KLHL6: variants seen among roughly 807,000 people sequenced by gnomAD.
The protein encoded by KLHL6 is kelch like family member 6, also known as kelch-like protein 6.
Under a neutral mutation model 58.6 loss-of-function variants are expected in KLHL6, and 41 were observed. That is an observed-to-expected ratio of 0.70 (90% CI 0.55 to 0.91). KLHL6 has a LOEUF of 0.91. Among genes scored for constraint, KLHL6 ranks in the 40% least tolerant of loss-of-function variants. The pLI is 0.00. For synonymous variants in KLHL6, 338 were observed against 322.7 expected, an observed-to-expected ratio of 1.05 and a Z score of -0.51; for missense variants, 714 against 805.6, an observed-to-expected ratio of 0.89 and a Z score of 1.38.
Position 183,491,638 on chromosome 3 carries a change from G to A in KLHL6, c.*289C>T, listed in dbSNP as rs1231099178. 3.2e-6 allele frequency: 1 copy of A among 316,984 alleles called. No individual in the cohort carries two copies. The highest frequency in any genetic ancestry group is 5.8e-6 in the Non-Finnish European group (1 of 173,810). 19.6% of individuals were successfully genotyped at this position (316,984 alleles called of 1,614,324 possible). ...AGCCAGTCACCAGGTTAAATGAACCGATAAAAGGAAGTGCCTGGCACAGAA... is the reference window on the plus strand; with the variant it reads ...AGCCAGTCACCAGGTTAAATGAACCAATAAAAGGAAGTGCCTGGCACAGAA... On this transcript the variant is annotated 3_prime_UTR_variant, in exon 7 of 7. Coordinates refer to ENST00000341319, the MANE Select transcript of KLHL6 (RefSeq NM_130446.4).
chr3:183,527,014 G>A (rs185723384), intron 2 of KLHL6, among the ~76,000 whole-genome samples: 13 of 151,888 alleles, frequency 8.6e-5, no homozygotes, highest in South Asian at 4.2e-4. Context: ...CAGGAGAATC[G>A]CTTAAACCCG....
chr3:183,542,800 C>T (rs1229222726), intron 1 of KLHL6, among the ~76,000 whole-genome samples: 1 of 152,088 alleles, frequency 6.6e-6, no homozygotes, highest in Non-Finnish European at 1.5e-5. Flanking sequence ...TCTTTGTAAA[C>T]TCTGTGCCTG....
chr3:183,499,883 G>A lies in KLHL6; in HGVS notation c.910-56C>T. The A allele has an allele frequency of 7.3e-7, 1 of 1,377,604 alleles. No individual in the cohort carries two copies. Among genetic ancestry groups the A allele is most frequent in the East Asian group, 2.5e-5 (1 of 40,346 alleles). The allele number at this position is 1,377,604 out of a possible 1,614,324, so 85.3% of individuals were successfully genotyped here. A position where few individuals can be genotyped will look rare whatever the true frequency, so the allele number is the denominator to read the frequency against. Reference sequence around the variant, plus strand: ...GGACAACACAAAGTTTCAGAGCTCGGGCTATGGAGCCATTAGGAGTCGGGT... The same window carrying A: ...GGACAACACAAAGTTTCAGAGCTCGAGCTATGGAGCCATTAGGAGTCGGGT... On this transcript the variant is annotated intron_variant, in intron 3 of 6. Coordinates refer to ENST00000341319, the MANE Select transcript of KLHL6 (RefSeq NM_130446.4). The surrounding 1 kb of genome is among the most constrained non-coding windows in gnomAD (Gnocchi z 4.6).
chr3:183,527,656 A>G (rs1356211063), intron 2 of KLHL6, among the ~76,000 whole-genome samples, 189 bp downstream of exon 2: 1 of 152,124 alleles, frequency 6.6e-6, no homozygotes, highest in Non-Finnish European at 1.5e-5. Context: ...CCAAAAGAGC[A>G]TCTTCTAACT....
At chr3:183,512,841 T>G (rs1217311796) in intron 2 of KLHL6, among the ~76,000 whole-genome samples, 1 of 151,706 alleles carries the variant, frequency 6.6e-6, no homozygotes, top group Non-Finnish European at 1.5e-5. Flanking sequence ...TAAAATAAAG[T>G]CATAGAGGCC....
intron 2 of KLHL6, among the ~76,000 whole-genome samples, chr3:183,527,097 T>TA (rs572178014): frequency 2.4e-3 from 323 of 135,312 alleles, no homozygotes; most frequent in African/African-American, 3.2e-3. Context: ...AGACTCTCTC[T>TA]AAAAAAAAAA....
chr3:183,532,853 CAAAG>C (rs1712205038), intron 1 of KLHL6, among the ~76,000 whole-genome samples: 3 of 152,174 alleles, frequency 2.0e-5, no homozygotes, highest in Admixed American at 6.5e-5. Context: ...AGGCAGGACT[CAAAG>C]AGAACATTTT....
At chr3:183,543,102 G>A (rs1041128423) in intron 1 of KLHL6, among the ~76,000 whole-genome samples, 4 of 152,124 alleles carry the variant, frequency 2.6e-5, no homozygotes, top group African/African-American at 9.7e-5. Flanking sequence ...AGACCAGCCT[G>A]GCCAACATGG....
At chr3:183,552,717 C>CAAAAAAAAA (rs1169148282) in intron 1 of KLHL6, among the ~76,000 whole-genome samples, 1 of 47,608 alleles carries the variant, frequency 2.1e-5, no homozygotes, top group Non-Finnish European at 4.4e-5. Flanking sequence ...GACTCCGTCT[C>CAAAAAAAAA]AAAAAAAAAA....
At chr3:183,537,668 G>C (rs548869412) in intron 1 of KLHL6, among the ~76,000 whole-genome samples, 1 of 152,170 alleles carries the variant, frequency 6.6e-6, no homozygotes, top group South Asian at 2.1e-4. Context: ...CATGAAGTCA[G>C]GCCATGCCAC....
At chr3:183,534,356 T>C (rs1319257106) in intron 1 of KLHL6, among the ~76,000 whole-genome samples, 1 of 152,050 alleles carries the variant, frequency 6.6e-6, no homozygotes, top group Non-Finnish European at 1.5e-5. Context: ...AGAAATGTAA[T>C]GTGAGTCATC....
In KLHL6 at chr3:183,491,896, C is replaced by A; in HGVS notation, c.*31G>T. ...GAGGTGAGGCGGGTACGCTGAGGGT[C>A]GGGGGGGCTCTCCAGCTCCCCATCC... On this transcript the variant is annotated 3_prime_UTR_variant, in exon 7 of 7. Transcript: ENST00000341319. 6.9e-7 allele frequency: 1 copy of A among 1,453,992 alleles called. No homozygotes were observed. Among genetic ancestry groups the A allele is most frequent in the Non-Finnish European group, 9.1e-7 (1 of 1,098,486 alleles). 90.1% of individuals were successfully genotyped at this position (1,453,992 alleles called of 1,614,324 possible).
intron 1 of KLHL6, among the ~76,000 whole-genome samples, chr3:183,546,180 G>A (rs915411675): frequency 2.2e-4 from 33 of 152,166 alleles, no homozygotes; most frequent in Admixed American, 9.2e-4. Context: ...AGGAGTGAAC[G>A]TGCTAATAAT....
intron 1 of KLHL6, among the ~76,000 whole-genome samples, chr3:183,543,299 A>AG (rs1553813991): frequency 8.6e-4 from 131 of 151,578 alleles, no homozygotes; most frequent in African/African-American, 2.4e-3. Context: ...AAAAAAAAAA[A>AG]AGAGAGAGAG....
At chr3:183,532,141 G>A (rs935286542) in intron 1 of KLHL6, among the ~76,000 whole-genome samples, 2 of 152,210 alleles carry the variant, frequency 1.3e-5, no homozygotes, top group Admixed American at 1.3e-4. Context: ...AGTAATTAAA[G>A]TGAAATGAGA....
intron 1 of KLHL6, among the ~76,000 whole-genome samples, chr3:183,538,599 A>C (rs1712441209): frequency 6.6e-6 from 1 of 152,224 alleles, no homozygotes; most frequent in Non-Finnish European, 1.5e-5. Context: ...GTACTACACA[A>C]TGAACACTAT....
At position 183,534,945 on chromosome 3, in the gene KLHL6, TATA is replaced by T. The variant is rs1168634122; in HGVS notation, c.294-6938_294-6936del. Among the ~76,000 whole-genome samples the T allele has an allele frequency of 7.6e-4, 91 of 120,018 alleles. 2 individuals are homozygous for T. The highest frequency in any genetic ancestry group is 4.3e-3 in the Middle Eastern group (1 of 234). The allele number at this position is 120,018 out of a possible 152,430, so 78.7% of individuals were successfully genotyped here. On this transcript the variant is annotated intron_variant, in intron 1 of 6. Transcript: ENST00000341319. ...ATGCATATATATACATATATATATA[TATA>T]TATTTTTTTTTTTTGAGACAGAGTC...
At chr3:183,543,430 T>C (rs1712619413) in intron 1 of KLHL6, among the ~76,000 whole-genome samples, 1 of 152,154 alleles carries the variant, frequency 6.6e-6, no homozygotes, top group African/African-American at 2.4e-5. Flanking sequence ...TCCCCCTCCA[T>C]TTCCAGGCCC....
chr3:183,524,024 G>C (rs1711862640), intron 2 of KLHL6, among the ~76,000 whole-genome samples: 1 of 152,192 alleles, frequency 6.6e-6, no homozygotes, highest in African/African-American at 2.4e-5. Context: ...GCCTCCCAAA[G>C]TGCTGAGATT....
Sources: allele counts gnomAD v4.1 joint callset (sites outside exome capture counted in the v4.1 genomes callset), GRCh38; gene constraint gnomAD v4.1.1; non-coding constraint Gnocchi (gnomAD v3.1); transcripts MANE v1.5; gene names NCBI Gene and HGNC (gene_info 2026-07-23, HGNC 2026-07-21).